Variants in TRIM3 observed in about 807,000 individuals in gnomAD.
TRIM3 encodes the protein tripartite motif-containing protein 3.
In TRIM3, 13 loss-of-function variants were observed where a neutral mutation model predicts 66.6. The observed-to-expected ratio is 0.20, with a 90% CI of 0.13 to 0.31. The LOEUF (loss-of-function observed/expected upper bound fraction) is 0.31, where lower values mean the gene tolerates loss of function less well. Among genes scored for constraint, TRIM3 ranks in the 10% least tolerant of loss-of-function variants. The pLI, the probability that TRIM3 is intolerant of heterozygous loss-of-function variation, is 1.00. For synonymous variants in TRIM3, 406 were observed against 411.7 expected, an observed-to-expected ratio of 0.99 and a Z score of 0.17; for missense variants, 711 against 1,020.4, an observed-to-expected ratio of 0.70 and a Z score of 4.13.
At position 6,465,648 on chromosome 11, in the gene TRIM3, GT is replaced by G; in HGVS notation, c.47del (p.Asp16AlafsTer40). 1 of 1,614,190 alleles carries G rather than the reference GT, an allele frequency of 6.2e-7. No homozygotes were observed. The highest frequency in any genetic ancestry group is 8.5e-7 in the Non-Finnish European group (1 of 1,180,028). ...AGATGCTGCATACCAGGAACTGCTT[GT>G]CCATTGGCTGGACCTCTGGGCCAGG... The part of the protein sequence containing the change: ...DSPGPEVQPM[D>X]KQFLVCSICL... On this transcript the variant is annotated frameshift_variant, in exon 2 of 12. Coordinates refer to ENST00000345851, the MANE Select transcript of TRIM3 (RefSeq NM_033278.4). LOFTEE classifies it high-confidence loss of function.
intron 1 of TRIM3, among the ~76,000 whole-genome samples, chr11:6,468,655 G>A (rs1850562539): frequency 6.6e-6 from 1 of 152,222 alleles, no homozygotes; most frequent in Non-Finnish European, 1.5e-5. Flanking sequence ...TGGGGTGGCA[G>A]GGGCAGAAGC....
intron 7 of TRIM3, 66 bp from the exon 8 acceptor site, chr11:6,451,504 G>T: frequency 6.4e-7 from 1 of 1,558,866 alleles, no homozygotes; most frequent in Non-Finnish European, 8.7e-7. Context: ...AGACAGAAGG[G>T]AGTAGGATCC....
intron 1 of TRIM3, among the ~76,000 whole-genome samples, chr11:6,467,596 A>G (rs554457480): frequency 2.0e-4 from 30 of 151,840 alleles, no homozygotes; most frequent in Non-Finnish European, 3.8e-4. Context: ...TGAGACCAAT[A>G]TCTACAAAAA....
At chr11:6,452,056 T>C (rs1849746374) in intron 7 of TRIM3, 1 of 152,894 alleles carries the variant, frequency 6.5e-6, no homozygotes, top group Non-Finnish European at 1.5e-5. Flanking sequence ...CCAAGGAAAT[T>C]GGCTGGAGGG....
chr11:6,466,912 G>A (rs369222896), intron 1 of TRIM3, among the ~76,000 whole-genome samples: 1 of 152,070 alleles, frequency 6.6e-6, no homozygotes, highest in Non-Finnish European at 1.5e-5. Context: ...TGTTATTGAG[G>A]ATAGGCATTT....
intron 8 of TRIM3, 46 bp downstream of exon 8, chr11:6,451,225 G>C: frequency 6.2e-7 from 1 of 1,611,166 alleles, no homozygotes; most frequent in Non-Finnish European, 8.5e-7. Flanking sequence ...AGACTGGTCA[G>C]TTCAGCTGGA....
At position 6,457,773 on chromosome 11, in the gene TRIM3, A is replaced by G. The variant is rs1401510615; in HGVS notation, c.438T>C (p.His146=). The change falls in exon 4 of 12, where the codon CAT becomes CAC. Residue 146 remains histidine, a synonymous_variant. Transcript: ENST00000345851. This position sits in a 1 kb window ranked among gnomAD's most constrained non-coding sequence, Gnocchi z 4.5. ...CCACATCCCTCAGCAGCACTGTGCC[A>G]TGCTCACGATGCTCCCCGGCGCGGC... ...GECRAGEHRE[H]GTVLLRDVVE... is the part of the protein sequence containing the mutation. The G allele has an allele frequency of 1.9e-6, 3 of 1,614,030 alleles. No individual in the cohort carries two copies. Among genetic ancestry groups the G allele is most frequent in the Non-Finnish European group, 2.5e-6 (3 of 1,180,018 alleles).
At chr11:6,468,774 A>T (rs1038483769) in intron 1 of TRIM3, among the ~76,000 whole-genome samples, 1 of 152,212 alleles carries the variant, frequency 6.6e-6, no homozygotes, top group Non-Finnish European at 1.5e-5. Flanking sequence ...CAGCTGGATT[A>T]CTCCAAAATA....
Position 6,450,494 on chromosome 11 carries a change from T to C in TRIM3, c.1941+57A>G. 3 of 1,470,456 alleles carry C rather than the reference T, an allele frequency of 2.0e-6. No individual in the cohort carries two copies. The highest frequency in any genetic ancestry group is 2.9e-6 in the Non-Finnish European group (3 of 1,049,040). The allele number at this position is 1,470,456 out of a possible 1,614,324, so 91.1% of individuals were successfully genotyped here. On this transcript the variant is annotated intron_variant, in intron 10 of 11. Transcript: ENST00000345851. This position sits in a 1 kb window ranked among gnomAD's most constrained non-coding sequence, Gnocchi z 4.8. ...GGAGGAGGTAAAATAGAGAGGAGTC[T>C]TGTGGAAGAGGAAAGGATGTTGGGA... is the stretch of plus-strand genomic sequence containing the variant.
Position 6,458,118 on chromosome 11 carries a change from G to C in TRIM3, c.310C>G (p.Pro104Ala). The change falls in exon 3 of 12, where the codon CCC becomes GCC. Residue 104 changes from proline (P) to alanine (A), a missense_variant. By Grantham distance (27) the Pro-to-Ala change is conservative. This residue lies in a region of TRIM3 where 149 missense variants were observed against 240.3 expected (regional missense o/e 0.62). Coordinates refer to ENST00000345851, the MANE Select transcript of TRIM3 (RefSeq NM_033278.4). The surrounding 1 kb of genome is among the most constrained non-coding windows in gnomAD (Gnocchi z 6.2). ...GGGCGGCCAGCCACTACACTGAGGGGGTGGGGGTCCTCCGGGTCGTGGGCC... is the reference window on the plus strand; with the variant it reads ...GGGCGGCCAGCCACTACACTGAGGGCGTGGGGGTCCTCCGGGTCGTGGGCC... ...DGAHDPEDPH[P>A]LSVVAGRPLS... 6.2e-7 allele frequency: 1 copy of C among 1,613,662 alleles called. No homozygotes were observed. The highest frequency in any genetic ancestry group is 8.5e-7 in the Non-Finnish European group (1 of 1,180,002).
Position 6,448,659 on chromosome 11 carries a change from C to A in TRIM3, c.*369G>T. ...AATATGGGGGGTGGGGTATTGCTGT[C>A]TCTGTCAGTGTGTATAGGGTGGTAG... is the stretch of plus-strand genomic sequence containing the variant. On this transcript the variant is annotated 3_prime_UTR_variant, in exon 12 of 12. Coordinates refer to ENST00000345851, the MANE Select transcript of TRIM3 (RefSeq NM_033278.4). 2.0e-6 allele frequency: 1 copy of A among 495,126 alleles called. No individual in the cohort carries two copies. 30.7% of individuals were successfully genotyped at this position (495,126 alleles called of 1,614,324 possible).
chr11:6,453,330 C>G (rs1178385533), intron 7 of TRIM3: 1 of 152,220 alleles, frequency 6.6e-6, no homozygotes, highest in Admixed American at 6.5e-5. Flanking sequence ...CAAAGTCCTG[C>G]CATTCTTGAC....
intron 7 of TRIM3, among the ~76,000 whole-genome samples, chr11:6,454,102 G>A (rs1318342424): frequency 1.3e-5 from 2 of 152,182 alleles, no homozygotes; most frequent in African/African-American, 2.4e-5. Flanking sequence ...GGGGAGGCCA[G>A]GTGCAGTGGC....
intron 7 of TRIM3, among the ~76,000 whole-genome samples, chr11:6,454,340 G>A (rs1185182927): frequency 6.6e-6 from 1 of 150,586 alleles, no homozygotes; most frequent in Admixed American, 6.6e-5. Context: ...GCAGTGAGCT[G>A]TGATCATAGC....
At position 6,449,093 on chromosome 11, in the gene TRIM3, C is replaced by G; in HGVS notation, c.2170G>C (p.Asp724His). Residue 724 changes from aspartate (D) to histidine (H), a missense_variant, in exon 12 of 12, where the codon GAT becomes CAT. Asp to His is a moderately conservative substitution (Grantham distance 81). Transcript: ENST00000345851. This position sits in a 1 kb window ranked among gnomAD's most constrained non-coding sequence, Gnocchi z 5.3. ...YGPQGLALTS[D>H]GHVVVADAGN... is the part of the protein sequence containing the mutation. ...GCATCAGCCACCACCACATGGCCAT[C>G]CGAGGTCAGTGCCAGGCCCTGTGGA... 6.2e-7 allele frequency: 1 copy of G among 1,614,162 alleles called. No homozygotes were observed. The highest frequency in any genetic ancestry group is 8.5e-7 in the Non-Finnish European group (1 of 1,180,024).
chr11:6,458,123 G>A lies in TRIM3; in HGVS notation c.305C>T (p.Pro102Leu). 6.2e-7 allele frequency: 1 copy of A among 1,613,770 alleles called. No homozygotes were observed. The highest frequency in any genetic ancestry group is 8.5e-7 in the Non-Finnish European group (1 of 1,180,014). Residue 102 changes from proline to leucine, a missense_variant, in exon 3 of 12, where the codon CCC becomes CTC. Physicochemically the swap from Pro to Leu is moderately conservative, Grantham distance 98. Transcript: ENST00000345851. This position sits in a 1 kb window ranked among gnomAD's most constrained non-coding sequence, Gnocchi z 6.2. ...GCCAGCCACTACACTGAGGGGGTGG[G>A]GGTCCTCCGGGTCGTGGGCCCCATC... Reference protein sequence around the residue: ...APDGAHDPEDPHPLSVVAGRP... With the variant: ...APDGAHDPEDLHPLSVVAGRP...
intron 8 of TRIM3, 102 bp downstream of exon 8, chr11:6,451,169 G>A: frequency 6.3e-7 from 1 of 1,583,388 alleles, no homozygotes; most frequent in Non-Finnish European, 8.6e-7. Flanking sequence ...GGGAGTAGGA[G>A]GAGGTAGGAT....
At position 6,449,488 on chromosome 11, in the gene TRIM3, G is replaced by T; in HGVS notation, c.1942-42C>A. On this transcript the variant is annotated intron_variant, in intron 10 of 11. Transcript: ENST00000345851. The surrounding 1 kb of genome is among the most constrained non-coding windows in gnomAD (Gnocchi z 5.3). ...CTAGGGACTGGGGACCTGGCCTCAG[G>T]CAGAGGGTAGGGCTTTGGAGGAGGA... is the stretch of plus-strand genomic sequence containing the variant. 6.3e-7 allele frequency: 1 copy of T among 1,589,884 alleles called. No homozygotes were observed. The highest frequency in any genetic ancestry group is 8.6e-7 in the Non-Finnish European group (1 of 1,164,950).
rs150129017 is a variant in TRIM3 at position 6,456,439 on chromosome 11, G to C, written c.1287C>G (p.Asp429Glu). ...GGGACTTGACACGGCGCTTCACATC[G>C]TCCGGGGAAGGTGGCAGGTCCCCCG... ...LRPGDLPPSPDDVKRRVKSPG... is the reference protein window; with the variant it reads ...LRPGDLPPSPEDVKRRVKSPG... The change falls in exon 6 of 12, where the codon GAC (aspartate) becomes GAG (glutamate). Residue 429 changes from aspartate (D) to glutamate (E), a missense_variant. This residue lies in a region of TRIM3 where 399 missense variants were observed against 458.1 expected (regional missense o/e 0.87). Coordinates refer to ENST00000345851, the MANE Select transcript of TRIM3 (RefSeq NM_033278.4). This position sits in a 1 kb window ranked among gnomAD's most constrained non-coding sequence, Gnocchi z 6.4. 1.3e-6 allele frequency: 2 copies of C among 1,535,448 alleles called. No individual in the cohort carries two copies. Among genetic ancestry groups the C allele is most frequent in the African/African-American group, 1.4e-5 (1 of 72,644 alleles).
Sources: gnomAD v4.1 joint callset for allele counts (sites outside exome capture counted in the v4.1 genomes callset) on GRCh38, gnomAD v4.1.1 for gene constraint, gnomAD v4.1.1 regional missense constraint, Gnocchi (gnomAD v3.1) non-coding constraint, MANE v1.5 for transcripts, NCBI Gene and HGNC (gene_info 2026-07-23, HGNC 2026-07-21) for gene names.